SND1: variants seen among roughly 807,000 people sequenced by gnomAD.
SND1 encodes the protein staphylococcal nuclease and tudor domain containing 1.
In SND1, 38 loss-of-function variants were observed where a neutral mutation model predicts 121.7. The observed-to-expected ratio is 0.31, with a 90% CI of 0.24 to 0.41. The LOEUF is 0.41. Ranked by LOEUF, SND1 falls within the 10% of genes least tolerant of loss-of-function variation. SND1 has a pLI of 1.00. For missense variants in SND1, 868 were observed against 1,184.6 expected (o/e 0.73, Z 3.92); for synonymous variants, 401 against 447.4 (o/e 0.90, Z 1.31).
intron 12 of SND1, among the ~76,000 whole-genome samples, chr7:127,886,501 T>C (rs189107404): frequency 6.6e-6 from 1 of 152,190 alleles, no homozygotes; most frequent in Admixed American, 6.5e-5. Context: ...GCCTATTGCT[T>C]ACCATAGCCT....
chr7:128,048,795 G>A lies in SND1; in HGVS notation c.1780-25707G>A, dbSNP rs79055043. 7.8e-3 allele frequency among the ~76,000 whole-genome samples: 1,188 copies of A among 152,274 alleles called. 18 individuals are homozygous for A. Among genetic ancestry groups the A allele is most frequent in the African/African-American group, 0.027 (1,111 of 41,536 alleles). On this transcript the variant is annotated intron_variant, in intron 16 of 23. Transcript: ENST00000354725. Reference sequence around the variant, plus strand: ...GTGTATCATCCCTGCTGCTGTAAGAGATCCTCAGTTCTCCAAATAAAATAT... The same window carrying A: ...GTGTATCATCCCTGCTGCTGTAAGAAATCCTCAGTTCTCCAAATAAAATAT...
chr7:127,979,397 G>A (rs980496159), intron 15 of SND1, among the ~76,000 whole-genome samples: 12 of 152,192 alleles, frequency 7.9e-5, no homozygotes, highest in Non-Finnish European at 1.2e-4. Context: ...TTGCTGTGTC[G>A]TTTCCCTATC....
chr7:127,821,602 A>AT lies in SND1; in HGVS notation c.1242+14036dup, dbSNP rs1372097252. On this transcript the variant is annotated intron_variant, in intron 11 of 23. Transcript: ENST00000354725. ...AGGCAAAGGTACTTTTCCTTACAGG[A>AT]TTTTTTTAAATTTAGTTTTTAAACT... Among the ~76,000 whole-genome samples, 4 of 152,088 alleles carry AT rather than the reference A, an allele frequency of 2.6e-5. No individual in the cohort carries two copies. The East Asian group carries it at 7.7e-4, about 29-fold the overall frequency.
rs73455729 is a variant in SND1, at chr7:127,969,229, T to C, written c.1670-21718T>C. ...CTCTGGTTAGTCATTACGGGTGCCTTGAACCTGGGAAGGGAGGAAGGTATA... is the reference window on the plus strand; with the variant it reads ...CTCTGGTTAGTCATTACGGGTGCCTCGAACCTGGGAAGGGAGGAAGGTATA... On this transcript the variant is annotated intron_variant, in intron 15 of 23. Transcript: ENST00000354725. Among the ~76,000 whole-genome samples the C allele has an allele frequency of 1.8e-3, 279 of 152,196 alleles. 1 individual carries two copies. The highest frequency in any genetic ancestry group is 5.9e-3 in the African/African-American group (245 of 41,516).
chr7:127,717,982 T>A (rs1315717798), intron 9 of SND1, among the ~76,000 whole-genome samples: 2 of 152,216 alleles, frequency 1.3e-5, no homozygotes, highest in African/African-American at 4.8e-5. Context: ...CTAACGGAAC[T>A]CTGGTTTTCT....
chr7:127,724,456 G>A (rs1338478846), intron 10 of SND1, among the ~76,000 whole-genome samples: 1 of 152,200 alleles, frequency 6.6e-6, no homozygotes, highest in African/African-American at 2.4e-5. Flanking sequence ...GAAACCACAG[G>A]CAAGGCCAGA....
In SND1 at chr7:128,029,571, T is replaced by C; in HGVS notation, c.1779+38515T>C. 1 of 1,613,966 alleles carries C rather than the reference T, an allele frequency of 6.2e-7. No homozygotes were observed. Among genetic ancestry groups the C allele is most frequent in the South Asian group, 1.1e-5 (1 of 91,072 alleles). On this transcript the variant is annotated intron_variant, in intron 16 of 23. Transcript: ENST00000354725. The surrounding 1 kb of genome is among the most constrained non-coding windows in gnomAD (Gnocchi z 4.2). ...AGAAATGTTGAGGTCTCGAGGTGCG[T>C]CCATGATGAAGGGGGCAGAGCACTG...
chr7:127,919,397 A>AT (rs1800652710), intron 14 of SND1, among the ~76,000 whole-genome samples: 1 of 152,098 alleles, frequency 6.6e-6, no homozygotes, highest in South Asian at 2.1e-4. Flanking sequence ...TGTCTTTTAA[A>AT]TTTTTTACTC....
chr7:128,081,541 T>A (rs1380888106), intron 18 of SND1, 40 bp downstream of exon 18: 5 of 1,610,184 alleles, frequency 3.1e-6, no homozygotes, highest in Non-Finnish European at 4.2e-6. Context: ...CCTGGCTTGG[T>A]CCAGCTGGCG....
Position 127,943,830 on chromosome 7 carries a change from G to A in SND1, c.1669+14501G>A, listed in dbSNP as rs143672805. Among the ~76,000 whole-genome samples the A allele has an allele frequency of 5.3e-3, 802 of 152,250 alleles. 26 individuals are homozygous for A. Among genetic ancestry groups the A allele is most frequent in the Admixed American group, 0.043 (658 of 15,286 alleles). ...CTGTGCTGATGAAAGCAGTTTTGACGAACAACTCAATAAAGAGCCATGGAA... is the reference window on the plus strand; with the variant it reads ...CTGTGCTGATGAAAGCAGTTTTGACAAACAACTCAATAAAGAGCCATGGAA... On this transcript the variant is annotated intron_variant, in intron 15 of 23. Coordinates refer to ENST00000354725, the MANE Select transcript of SND1 (RefSeq NM_014390.4).
chr7:127,874,706 G>GA (rs1799659302), intron 12 of SND1, among the ~76,000 whole-genome samples: 1 of 152,008 alleles, frequency 6.6e-6, no homozygotes, highest in South Asian at 2.1e-4. Flanking sequence ...TGAGAAAAAA[G>GA]AAGGGGTCAT....
intron 1 of SND1, among the ~76,000 whole-genome samples, chr7:127,678,519 G>C (rs1464643807): frequency 6.6e-6 from 1 of 151,716 alleles, no homozygotes; most frequent in East Asian, 1.9e-4. Flanking sequence ...TTGAATGTTG[G>C]GCCCTCTAAT....
At chr7:127,854,106 G>A (rs576710766) in intron 12 of SND1, among the ~76,000 whole-genome samples, 2 of 152,146 alleles carry the variant, frequency 1.3e-5, no homozygotes, top group Middle Eastern at 3.4e-3. Context: ...GCATCATTAG[G>A]GCTTTGTTCG....
intron 16 of SND1, among the ~76,000 whole-genome samples, chr7:128,033,026 C>T (rs1038091433): frequency 6.6e-6 from 1 of 152,214 alleles, no homozygotes; most frequent in African/African-American, 2.4e-5. Context: ...TCAGTCTTCG[C>T]TGGCCGGAGT....
intron 16 of SND1, among the ~76,000 whole-genome samples, chr7:128,025,445 CCTTCAGTTCTGTA>C (rs749080037): frequency 6.6e-6 from 1 of 152,144 alleles, no homozygotes; most frequent in Non-Finnish European, 1.5e-5. Flanking sequence ...TTTTTCACGG[CCTTCAGTTCTGTA>C]ATGAAAATTC....
chr7:127,757,095 A>G (rs1001724773), intron 10 of SND1, among the ~76,000 whole-genome samples: 2 of 152,180 alleles, frequency 1.3e-5, no homozygotes, highest in Admixed American at 6.5e-5. Context: ...CCTCATGTCC[A>G]TTTCCAGATG....
chr7:127,875,819 A>T (rs539259647), intron 12 of SND1, among the ~76,000 whole-genome samples: 1 of 152,210 alleles, frequency 6.6e-6, no homozygotes, highest in East Asian at 1.9e-4. Context: ...GTGTCATCAG[A>T]TGTTTTCAGA....
At chr7:128,061,019 G>A (rs547001892) in intron 16 of SND1, among the ~76,000 whole-genome samples, 106 of 152,284 alleles carry the variant, frequency 7.0e-4, no homozygotes, top group African/African-American at 2.5e-3. Context: ...AGGTGGAGCA[G>A]GGAGAATGAG....
chr7:128,043,863 T>TATACAC lies in SND1; in HGVS notation c.1780-30638_1780-30637insTACACA, dbSNP rs531706442. 1.2e-3 allele frequency among the ~76,000 whole-genome samples: 176 copies of TATACAC among 149,674 alleles called. 4 individuals carry two copies. The South Asian group carries it at 0.036, about 30-fold the overall frequency. On this transcript the variant is annotated intron_variant, in intron 16 of 23. Coordinates refer to ENST00000354725, the MANE Select transcript of SND1 (RefSeq NM_014390.4). The stretch of plus-strand genomic sequence containing the variant: ...ATATGTGTGTATATATATACACATA[T>TATACAC]ACACACACACACACACACACACACA...
Sources: allele counts gnomAD v4.1 joint callset (sites outside exome capture counted in the v4.1 genomes callset), GRCh38; gene constraint gnomAD v4.1.1; non-coding constraint Gnocchi (gnomAD v3.1); transcripts MANE v1.5; gene names NCBI Gene and HGNC (gene_info 2026-07-23, HGNC 2026-07-21).